The following CDH23 variants were observed in gnomAD, a reference collection of about 807,000 sequenced individuals.
The protein encoded by CDH23 is cadherin-23.
A neutral mutation model predicts 317.1 loss-of-function variants in CDH23; 189 were observed. The ratio of observed to expected loss-of-function variants is 0.60; its 90% CI spans 0.53 to 0.67. The LOEUF (loss-of-function observed/expected upper bound fraction) is 0.67, where lower values mean the gene tolerates loss of function less well. CDH23 is among the 30% of genes least tolerant of loss of function. The pLI, the probability that CDH23 is intolerant of heterozygous loss-of-function variation, is 0.00. For missense variants in CDH23, 4,401 were observed against 4,592.4 expected (o/e 0.96, Z 1.20); for synonymous variants, 1,839 against 1,876.8 (o/e 0.98, Z 0.52).
chr10:71,779,798 G>A (rs567011640), intron 41 of CDH23, among the ~76,000 whole-genome samples: 34 of 152,330 alleles, frequency 2.2e-4, no homozygotes, highest in Admixed American at 1.3e-3. Context: ...CACAGCCCCC[G>A]CCCTCAGGAC....
chr10:71,718,574 C>G (rs1456853614), intron 28 of CDH23, among the ~76,000 whole-genome samples: 1 of 152,202 alleles, frequency 6.6e-6, no homozygotes, highest in East Asian at 1.9e-4. Context: ...CGCTCATTCC[C>G]GTGGGGAGAA....
At chr10:71,801,013 A>T (rs1392765617) in intron 53 of CDH23, among the ~76,000 whole-genome samples, 1 of 152,174 alleles carries the variant, frequency 6.6e-6, no homozygotes, top group African/African-American at 2.4e-5. Context: ...AGGCAGCTAA[A>T]CATACCTGGG....
At chr10:71,730,428 C>T (rs768157878) in intron 30 of CDH23, 41 bp from the exon 31 acceptor site, 12 of 1,604,664 alleles carry the variant, frequency 7.5e-6, no homozygotes, top group Non-Finnish European at 9.4e-6. Context: ...TCCCAGCCTC[C>T]ACCCCACCCT....
At position 71,532,737 on chromosome 10, in the gene CDH23, T is replaced by TGTTTG. The variant is rs1855469618; in HGVS notation, c.429+21525_429+21526insGTTTG. ...TTTTTTTTTTTTTTTGTTTTTTTTT[T>TGTTTG]TTTTTTTTTTGAGACGGAGTATCAC... On this transcript the variant is annotated intron_variant, in intron 6 of 69. Transcript: ENST00000224721. Among the ~76,000 whole-genome samples the TGTTTG allele has an allele frequency of 1.9e-4, 16 of 86,298 alleles. No homozygotes were observed. The South Asian group carries it at 3.4e-3, about 18-fold the overall frequency. 56.6% of individuals were successfully genotyped at this position (86,298 alleles called of 152,430 possible). A position where few individuals can be genotyped will look rare whatever the true frequency, so the allele number is the denominator to read the frequency against.
chr10:71,480,266 A>G (rs1851999203), intron 3 of CDH23, among the ~76,000 whole-genome samples: 1 of 152,238 alleles, frequency 6.6e-6, no homozygotes, highest in Admixed American at 6.5e-5. Context: ...TTCAGTCTGC[A>G]GCGCGTCTGC....
Position 71,462,789 on chromosome 10 carries a change from C to T in CDH23, c.145+16394C>T, listed in dbSNP as rs956134930. On this transcript the variant is annotated intron_variant, in intron 3 of 69. Coordinates refer to ENST00000224721, the MANE Select transcript of CDH23 (RefSeq NM_022124.6). ...CCTGGGAAGCCGCACCTGCCCCTGCCTGCACAGGTGCTTTTCAGAAGCAAA... is the reference window on the plus strand; with the variant it reads ...CCTGGGAAGCCGCACCTGCCCCTGCTTGCACAGGTGCTTTTCAGAAGCAAA... 5.4e-5 allele frequency among the ~76,000 whole-genome samples: 8 copies of T among 147,082 alleles called. No individual in the cohort carries two copies. The East Asian group carries it at 1.3e-3, about 25-fold the overall frequency.
chr10:71,488,341 C>T (rs1852464579), intron 3 of CDH23, among the ~76,000 whole-genome samples: 1 of 152,178 alleles, frequency 6.6e-6, no homozygotes, highest in South Asian at 2.1e-4. Context: ...GGGTACAGCT[C>T]CTAGAGAAAA....
chr10:71,762,404 T>C (rs533500139), intron 38 of CDH23, among the ~76,000 whole-genome samples: 1 of 152,362 alleles, frequency 6.6e-6, no homozygotes, highest in South Asian at 2.1e-4. Context: ...TTGGCCGCTC[T>C]GTAGGGGCCA....
At chr10:71,798,189 G>C (rs368308152) in intron 49 of CDH23, among the ~76,000 whole-genome samples, 165 bp from the exon 50 acceptor site, 9 of 151,964 alleles carry the variant, frequency 5.9e-5, no homozygotes, top group African/African-American at 2.2e-4. Flanking sequence ...CACACCACTG[G>C]AAAGCCTCCT....
intron 9 of CDH23, among the ~76,000 whole-genome samples, chr10:71,592,144 G>A (rs754042875): frequency 9.2e-5 from 14 of 152,092 alleles, no homozygotes; most frequent in Admixed American, 2.6e-4. Context: ...TTCCTTTCAG[G>A]GCATCTGTGT....
intron 3 of CDH23, among the ~76,000 whole-genome samples, chr10:71,495,932 A>G (rs1426944388): frequency 6.6e-6 from 1 of 152,228 alleles, no homozygotes; most frequent in African/African-American, 2.4e-5. Flanking sequence ...GGTCTCAGAC[A>G]GGCAGCATTA....
intron 38 of CDH23, among the ~76,000 whole-genome samples, chr10:71,744,650 A>G (rs1321155435): frequency 1.3e-5 from 2 of 152,204 alleles, no homozygotes; most frequent in Non-Finnish European, 2.9e-5. Flanking sequence ...AGCAGGGCTC[A>G]GCCCATACCA....
At chr10:71,774,494 G>A (rs781769326) in intron 38 of CDH23, among the ~76,000 whole-genome samples, 2 of 152,220 alleles carry the variant, frequency 1.3e-5, no homozygotes, top group African/African-American at 4.8e-5. Flanking sequence ...ATAACCAGCA[G>A]TTGGTTCTTC....
chr10:71,603,614 G>GA (rs1327611396), intron 9 of CDH23, among the ~76,000 whole-genome samples: 3 of 145,814 alleles, frequency 2.1e-5, no homozygotes, highest in Admixed American at 6.7e-5. Flanking sequence ...GCAGGCAGCA[G>GA]GGGGGGCCTC....
At chr10:71,568,904 AG>A (rs1000718043) in intron 7 of CDH23, among the ~76,000 whole-genome samples, 41 of 152,326 alleles carry the variant, frequency 2.7e-4, no homozygotes, top group African/African-American at 9.1e-4. Context: ...TGGCATGAAC[AG>A]GACTGCAGTC....
At chr10:71,800,370 A>G (rs1841523353) in intron 52 of CDH23, among the ~76,000 whole-genome samples, 2 of 152,068 alleles carry the variant, frequency 1.3e-5, no homozygotes, top group Non-Finnish European at 2.9e-5. Context: ...CATTAAGACA[A>G]CTGCATATTT....
intron 3 of CDH23, among the ~76,000 whole-genome samples, chr10:71,468,460 G>A (rs374482848): frequency 1.3e-5 from 2 of 152,188 alleles, no homozygotes; most frequent in Non-Finnish European, 1.5e-5. Flanking sequence ...CATCCATGAT[G>A]CATGATCCTT....
intron 38 of CDH23, among the ~76,000 whole-genome samples, chr10:71,774,049 G>GCA (rs754333116): frequency 0.025 from 3,576 of 145,476 alleles, 61 homozygotes; most frequent in African/African-American, 0.051. Context: ...GCATGCGCGC[G>GCA]CGCACACACA....
intron 6 of CDH23, among the ~76,000 whole-genome samples, chr10:71,530,491 G>A (rs1855310552): frequency 6.6e-6 from 1 of 152,244 alleles, no homozygotes; most frequent in Non-Finnish European, 1.5e-5. Flanking sequence ...GCTCTGCCAA[G>A]GACCGTGGGG....
Sources: allele counts gnomAD v4.1 joint callset (sites outside exome capture counted in the v4.1 genomes callset), GRCh38; gene constraint gnomAD v4.1.1; transcripts MANE v1.5; gene names NCBI Gene and HGNC (gene_info 2026-07-23, HGNC 2026-07-21).